CDK14: variants seen among roughly 807,000 people sequenced by gnomAD.
The protein encoded by CDK14 is cyclin dependent kinase 14, also known as cyclin-dependent kinase 14.
In CDK14, 34 loss-of-function variants were observed where a neutral mutation model predicts 60.7. The ratio of observed to expected loss-of-function variants is 0.56; its 90% confidence interval spans 0.43 to 0.75. The LOEUF (loss-of-function observed/expected upper bound fraction) is 0.75. Among genes scored for constraint, CDK14 ranks in the 30% least tolerant of loss-of-function variants. The probability of loss-of-function intolerance (pLI) is 0.00; values close to 1 mark genes in which losing one functional copy is unlikely to be tolerated. For missense variants in CDK14, 482 were observed against 564.1 expected (o/e 0.85, Z 1.47); for synonymous variants, 197 against 203.7 (o/e 0.97, Z 0.28).
At chr7:90,710,078 C>A in intron 2 of CDK14, 1 of 923,364 alleles carries the variant, frequency 1.1e-6, no homozygotes, top group Non-Finnish European at 1.3e-6. Context: ...TGTCATTTTA[C>A]TCACTTCCTT....
intron 2 of CDK14, among the ~76,000 whole-genome samples, chr7:90,661,896 G>A (rs1443594313): frequency 2.0e-5 from 3 of 152,070 alleles, no homozygotes; most frequent in East Asian, 3.9e-4. Context: ...TGGAGCAAAT[G>A]TAACAGCTGC....
At chr7:90,869,661 A>G (rs1224687385) in intron 6 of CDK14, among the ~76,000 whole-genome samples, 1 of 152,224 alleles carries the variant, frequency 6.6e-6, no homozygotes, top group African/African-American at 2.4e-5. Flanking sequence ...AATAAGATCT[A>G]AACATGAGAT....
At position 90,795,609 on chromosome 7, in the gene CDK14, T is replaced by C. The variant is rs1788389075; in HGVS notation, c.544+4957T>C. Among the ~76,000 whole-genome samples the C allele has an allele frequency of 2.6e-5, 4 of 152,032 alleles. No homozygotes were observed. In the South Asian group the frequency reaches 8.3e-4, roughly 32 times the overall value. On this transcript the variant is annotated intron_variant, in intron 5 of 14. Coordinates refer to ENST00000380050, the MANE Select transcript of CDK14 (RefSeq NM_001287135.2). ...AAAGAGGGTATTGGCTTTGATGGGA[T>C]TGAAAATGACTGAGGTAGAACAATA... is the stretch of plus-strand genomic sequence containing the variant.
chr7:90,738,560 G>A (rs1248666152), intron 3 of CDK14, among the ~76,000 whole-genome samples: 1 of 152,180 alleles, frequency 6.6e-6, no homozygotes, highest in East Asian at 1.9e-4. Context: ...TTTTAAAAAA[G>A]TGTTAACATC....
At chr7:91,152,324 T>C (rs1252197792) in intron 14 of CDK14, among the ~76,000 whole-genome samples, 3 of 152,216 alleles carry the variant, frequency 2.0e-5, no homozygotes, top group Non-Finnish European at 4.4e-5. Context: ...ATATCAGAAA[T>C]TACTATGATG....
intron 2 of CDK14, among the ~76,000 whole-genome samples, chr7:90,645,007 T>C (rs908195230): frequency 2.6e-5 from 4 of 152,238 alleles, no homozygotes; most frequent in African/African-American, 9.6e-5. Context: ...TAGATGGCTC[T>C]ATAAAAGTAA....
At chr7:90,763,054 A>C (rs1476122935) in intron 4 of CDK14, among the ~76,000 whole-genome samples, 3 of 152,204 alleles carry the variant, frequency 2.0e-5, no homozygotes. Context: ...GAAGATCATC[A>C]AGATTAAAGA....
chr7:91,163,475 A>C lies in CDK14; in HGVS notation c.*29-43690A>C, dbSNP rs142545461. On this transcript the variant is annotated intron_variant, in intron 14 of 14. Coordinates refer to ENST00000380050, the MANE Select transcript of CDK14 (RefSeq NM_001287135.2). ...GCAGTTACTCTGAATTCCTTTTTTA[A>C]TATTTTTAATTGACAAATTACAATT... 2.1e-3 allele frequency among the ~76,000 whole-genome samples: 325 copies of C among 152,270 alleles called. 1 individual carries two copies. Among genetic ancestry groups the C allele is most frequent in the Non-Finnish European group, 2.8e-3 (192 of 68,020 alleles).
intron 10 of CDK14, among the ~76,000 whole-genome samples, chr7:91,008,499 C>T (rs563170326): frequency 1.5e-4 from 23 of 152,232 alleles, no homozygotes; most frequent in African/African-American, 5.1e-4. Flanking sequence ...CCTTCCTTCC[C>T]TCCCTCCCTT....
chr7:90,605,289 G>C (rs113042685), intron 2 of CDK14, among the ~76,000 whole-genome samples: 1 of 152,160 alleles, frequency 6.6e-6, no homozygotes, highest in African/African-American at 2.4e-5. Flanking sequence ...GGCTGTCACG[G>C]TCTGCTGCTT....
At chr7:90,692,580 C>G in intron 2 of CDK14, 1 of 475,466 alleles carries the variant, frequency 2.1e-6, no homozygotes, top group Non-Finnish European at 2.7e-6. Flanking sequence ...CAGCTGTCAG[C>G]AGACTAATGA....
chr7:90,676,054 T>A (rs562000159), intron 2 of CDK14, among the ~76,000 whole-genome samples: 1 of 152,296 alleles, frequency 6.6e-6, no homozygotes, highest in Admixed American at 6.5e-5. Context: ...CAGTAAATAT[T>A]TATTGAGCAC....
intron 3 of CDK14, among the ~76,000 whole-genome samples, chr7:90,743,381 GA>G (rs1803433149): frequency 6.6e-6 from 1 of 152,080 alleles, no homozygotes; most frequent in Non-Finnish European, 1.5e-5. Context: ...ATTGTGTTCA[GA>G]AAAAGCAACT....
rs1436145105 is a variant in CDK14 at position 90,896,070 on chromosome 7, C to CT, written c.640-3213dup. ...TTAACTGCATTGATCCCTTCTCTCTCTTTTTTTTCTTGTCTCTTTTGTTTT... is the reference window on the plus strand; with the variant it reads ...TTAACTGCATTGATCCCTTCTCTCTCTTTTTTTTTCTTGTCTCTTTTGTTTT... On this transcript the variant is annotated intron_variant, in intron 6 of 14. Coordinates refer to ENST00000380050, the MANE Select transcript of CDK14 (RefSeq NM_001287135.2). 2.6e-5 allele frequency among the ~76,000 whole-genome samples: 4 copies of CT among 151,544 alleles called. No homozygotes were observed. In the East Asian group the frequency reaches 5.8e-4, roughly 22 times the overall value.
chr7:90,840,804 C>T (rs957674215), intron 5 of CDK14, among the ~76,000 whole-genome samples: 2 of 152,132 alleles, frequency 1.3e-5, no homozygotes, highest in African/African-American at 2.4e-5. Context: ...GACTGCTTAC[C>T]ATAGTTTCTC....
chr7:90,915,971 A>G (rs756804384), intron 7 of CDK14, among the ~76,000 whole-genome samples: 10 of 152,248 alleles, frequency 6.6e-5, no homozygotes, highest in Non-Finnish European at 1.3e-4. Flanking sequence ...CCCAAAGATC[A>G]GGTAGCATTT....
intron 9 of CDK14, among the ~76,000 whole-genome samples, chr7:90,965,195 G>T (rs111773288): frequency 2.0e-4 from 30 of 152,000 alleles, no homozygotes; most frequent in African/African-American, 7.0e-4. Context: ...TGGTGTTGTA[G>T]GTCCTAAGAT....
At chr7:90,878,011 A>G (rs1791618166) in intron 6 of CDK14, among the ~76,000 whole-genome samples, 2 of 151,746 alleles carry the variant, frequency 1.3e-5, no homozygotes, top group South Asian at 4.2e-4. Context: ...GCACCCTATA[A>G]ATCTTTGCCA....
At chr7:90,663,768 G>T (rs1800911617) in intron 2 of CDK14, among the ~76,000 whole-genome samples, 1 of 152,056 alleles carries the variant, frequency 6.6e-6, no homozygotes, top group Non-Finnish European at 1.5e-5. Flanking sequence ...AATAGGAATT[G>T]CTTTGCAAAA....
Sources: allele counts gnomAD v4.1 joint callset (sites outside exome capture counted in the v4.1 genomes callset), GRCh38; gene constraint gnomAD v4.1.1; transcripts MANE v1.5; gene names NCBI Gene and HGNC (gene_info 2026-07-23, HGNC 2026-07-21).